The following DDX10 variants were observed in gnomAD, a reference collection of about 807,000 sequenced individuals.
DDX10 encodes the protein probable ATP-dependent RNA helicase DDX10.
DDX10 carries 74 observed loss-of-function variants against 104.3 expected under a neutral mutation model. The observed-to-expected ratio is 0.71, with a 90% confidence interval of 0.59 to 0.86. DDX10 has a LOEUF of 0.86. DDX10 is among the 40% of genes least tolerant of loss of function. The pLI, the probability that DDX10 is intolerant of heterozygous loss-of-function variation, is 0.00. For missense variants in DDX10, 952 were observed against 1,040.0 expected (o/e 0.92, Z 1.16); for synonymous variants, 351 against 353.4 (o/e 0.99, Z 0.08).
At chr11:108,813,965 C>G (rs1591825268) in intron 13 of DDX10, among the ~76,000 whole-genome samples, 1 of 152,180 alleles carries the variant, frequency 6.6e-6, no homozygotes, top group Non-Finnish European at 1.5e-5. Flanking sequence ...TATTTCTTGT[C>G]AGAGTTTTCT....
intron 13 of DDX10, among the ~76,000 whole-genome samples, chr11:108,792,916 G>T (rs1861890242): frequency 6.6e-6 from 1 of 152,026 alleles, no homozygotes; most frequent in East Asian, 1.9e-4. Context: ...CTTATTAGTT[G>T]TTTTCATTGT....
chr11:108,729,220 G>A (rs566332045), intron 13 of DDX10, among the ~76,000 whole-genome samples: 2 of 152,190 alleles, frequency 1.3e-5, no homozygotes, highest in South Asian at 4.1e-4. Flanking sequence ...GTTATCGACA[G>A]GGTTCTAAGA....
chr11:108,761,175 G>A (rs2094350403), intron 13 of DDX10, among the ~76,000 whole-genome samples: 1 of 151,926 alleles, frequency 6.6e-6, no homozygotes, highest in African/African-American at 2.4e-5. Context: ...TTTCCTAATG[G>A]CAACAGTACA....
chr11:108,895,050 A>G (rs1863422822), intron 16 of DDX10, among the ~76,000 whole-genome samples: 1 of 152,018 alleles, frequency 6.6e-6, no homozygotes, highest in Admixed American at 6.6e-5. Context: ...ATTTTAGGCA[A>G]CTTGTAATTT....
intron 14 of DDX10, 76 bp downstream of exon 14, chr11:108,838,641 C>T (rs1343207600): frequency 4.8e-6 from 7 of 1,461,034 alleles, no homozygotes; most frequent in Non-Finnish European, 5.5e-6. Flanking sequence ...TTACTTAGCA[C>T]TCATTAATGA....
intron 13 of DDX10, among the ~76,000 whole-genome samples, chr11:108,762,690 G>C (rs2094352096): frequency 6.6e-6 from 1 of 152,108 alleles, no homozygotes; most frequent in African/African-American, 2.4e-5. Context: ...ATTAAAGTTA[G>C]GGGAATGCAA....
chr11:108,766,111 T>A (rs932830943), intron 13 of DDX10, among the ~76,000 whole-genome samples: 27 of 152,188 alleles, frequency 1.8e-4, no homozygotes, highest in Non-Finnish European at 8.8e-5. Flanking sequence ...ATAGTTCTGA[T>A]TATATTTTCC....
chr11:108,859,707 C>G (rs192934235), intron 16 of DDX10, among the ~76,000 whole-genome samples: 394 of 152,268 alleles, frequency 2.6e-3, no homozygotes, highest in African/African-American at 8.8e-3. Context: ...AACAAATTAA[C>G]TGTATTTGAA....
rs957367518 is a variant in DDX10 at position 108,885,348 on chromosome 11, T to C, written c.2305-32525T>C. Among the ~76,000 whole-genome samples, 11 of 135,964 alleles carry C rather than the reference T, an allele frequency of 8.1e-5. No homozygotes were observed. In the South Asian group the frequency reaches 2.7e-3, roughly 34 times the overall value. The allele number at this position is 135,964 out of a possible 152,430, so 89.2% of individuals were successfully genotyped here. Reference sequence around the variant, plus strand: ...AGGCCTTCCGTGATTCCATCTCCATTCATTGTCACTTTTTTTTTTTTTTTT... The same window carrying C: ...AGGCCTTCCGTGATTCCATCTCCATCCATTGTCACTTTTTTTTTTTTTTTT... On this transcript the variant is annotated intron_variant, in intron 16 of 17. Transcript: ENST00000322536.
chr11:108,695,760 GTT>G (rs34985675), intron 9 of DDX10, among the ~76,000 whole-genome samples: 6 of 139,114 alleles, frequency 4.3e-5, no homozygotes, highest in Admixed American at 7.1e-5. Flanking sequence ...GTGTTTAAGT[GTT>G]TTTTTTTTTT....
At chr11:108,685,618 C>G (rs11212756) in intron 6 of DDX10, among the ~76,000 whole-genome samples, 7,876 of 151,358 alleles carry the variant, frequency 0.052, 682 homozygotes, top group African/African-American at 0.18. Flanking sequence ...AGACCATAGT[C>G]TAAGTGCTAA....
chr11:108,786,219 G>C (rs1011068642), intron 13 of DDX10, among the ~76,000 whole-genome samples: 22 of 151,978 alleles, frequency 1.4e-4, no homozygotes, highest in Non-Finnish European at 2.9e-4. Flanking sequence ...AGTGTGTTTG[G>C]AATTATTTCA....
intron 16 of DDX10, among the ~76,000 whole-genome samples, chr11:108,901,160 A>G (rs1218289887): frequency 3.9e-5 from 6 of 152,218 alleles, no homozygotes; most frequent in Non-Finnish European, 8.8e-5. Flanking sequence ...AGAATAATAC[A>G]TGCCCCTGTG....
intron 16 of DDX10, among the ~76,000 whole-genome samples, chr11:108,855,522 C>T (rs538867046): frequency 2.4e-4 from 36 of 152,236 alleles, no homozygotes; most frequent in South Asian, 2.1e-4. Flanking sequence ...TGCAGTGACG[C>T]GATCTTGGCC....
intron 16 of DDX10, among the ~76,000 whole-genome samples, chr11:108,863,653 A>G (rs1862969107): frequency 6.6e-6 from 1 of 152,180 alleles, no homozygotes; most frequent in Non-Finnish European, 1.5e-5. Flanking sequence ...TGAATTCTAA[A>G]CACAACTGCT....
Position 108,678,988 on chromosome 11 carries a change from A to G in DDX10, c.659-383A>G, listed in dbSNP as rs2094230482. Among the ~76,000 whole-genome samples the G allele has an allele frequency of 2.0e-5, 3 of 146,604 alleles. No individual in the cohort carries two copies. In the Admixed American group the frequency reaches 2.2e-4, roughly 11 times the overall value. ...GATTCTCCTGCCTCAGCCTCCCGAT[A>G]GCTGGGACTACAGGTGTGCACCACC... is the stretch of plus-strand genomic sequence containing the variant. On this transcript the variant is annotated intron_variant, in intron 5 of 17. Transcript: ENST00000322536.
intron 17 of DDX10, chr11:108,921,238 T>C (rs1430721092): frequency 1.3e-5 from 2 of 152,248 alleles, no homozygotes; most frequent in Non-Finnish European, 2.9e-5. Context: ...AAGATGTATG[T>C]AAACTAAAAC....
chr11:108,918,209 G>T, intron 17 of DDX10, 191 bp downstream of exon 17: 1 of 599,966 alleles, frequency 1.7e-6, no homozygotes, highest in Non-Finnish European at 2.9e-6. Flanking sequence ...TTCTGGTCAT[G>T]TTAGGGCCTT....
At chr11:108,929,093 A>T (rs568720930) in intron 17 of DDX10, among the ~76,000 whole-genome samples, 2 of 152,316 alleles carry the variant, frequency 1.3e-5, no homozygotes, top group South Asian at 4.1e-4. Context: ...TTTTCCTTTG[A>T]CAGTCACATA....
Sources: gnomAD v4.1 joint callset for allele counts (sites outside exome capture counted in the v4.1 genomes callset) on GRCh38, gnomAD v4.1.1 for gene constraint, MANE v1.5 for transcripts, NCBI Gene and HGNC (gene_info 2026-07-23, HGNC 2026-07-21) for gene names.